Variants in UBXN11 observed in about 807,000 individuals in gnomAD.
The protein encoded by UBXN11 is UBX domain protein 11.
Under a neutral mutation model 62.8 loss-of-function variants are expected in UBXN11, and 47 were observed. The ratio of observed to expected loss-of-function variants is 0.75; its 90% CI spans 0.59 to 0.95. The LOEUF is 0.95. Ranked by LOEUF, UBXN11 falls within the 40% of genes least tolerant of loss-of-function variation. The pLI, the probability that UBXN11 is intolerant of heterozygous loss-of-function variation, is 0.00. For synonymous variants in UBXN11, 294 were observed against 267.0 expected (o/e 1.10, Z -0.99); for missense variants, 638 against 661.7 (o/e 0.96, Z 0.39).
chr1:26,282,506 A>G lies in UBXN11; in HGVS notation c.1356T>C (p.Asp452=). 1 of 1,602,102 alleles carries G rather than the reference A, an allele frequency of 6.2e-7. No homozygotes were observed. The highest frequency in any genetic ancestry group is 8.5e-7 in the Non-Finnish European group (1 of 1,172,412). The change falls in exon 15 of 15, where the codon GAT becomes GAC. Residue 452 remains aspartate, a synonymous_variant. Coordinates refer to ENST00000374222, the MANE Select transcript of UBXN11 (RefSeq NM_001389556.1). ...STFPPTLYQD[D]TLTLQAAGLV... ...GGCCTGCAGCCTGCAGCGTGAGTGT[A>G]TCGTCCTGGTAGAGGGTGGGCGGGA... is the stretch of plus-strand genomic sequence containing the variant.
chr1:26,301,577 G>C (rs1345646446), intron 3 of UBXN11, 117 bp downstream of exon 3: 15 of 1,424,258 alleles, frequency 1.1e-5, no homozygotes, highest in Non-Finnish European at 1.4e-5. Context: ...GAACACGGTG[G>C]AGGCCGCTGC....
intron 1 of UBXN11, among the ~76,000 whole-genome samples, chr1:26,305,941 C>T (rs1485958792): frequency 1.3e-5 from 2 of 152,222 alleles, no homozygotes; most frequent in Admixed American, 6.5e-5. Flanking sequence ...TCCCAACTGA[C>T]TTCCCTACTT....
intron 1 of UBXN11, among the ~76,000 whole-genome samples, chr1:26,315,477 G>A (rs2073782749): frequency 6.6e-6 from 1 of 152,142 alleles, no homozygotes; most frequent in Non-Finnish European, 1.5e-5. Context: ...CACCCCCACA[G>A]GCACACCAAA....
upstream of UBXN11, chr1:26,306,841 G>GGGGGGGTGGGGGGGT (rs2073682898): frequency 1.0e-5 from 1 of 99,474 alleles, no homozygotes; most frequent in Admixed American, 9.5e-5. Flanking sequence ...GGGGGGGGGG[G>GGGGGGGTGGGGGGGT]TGGTTCGTTC....
chr1:26,286,364 A>T (rs1307607559), intron 8 of UBXN11, among the ~76,000 whole-genome samples: 3 of 152,218 alleles, frequency 2.0e-5, no homozygotes, highest in African/African-American at 7.2e-5. Flanking sequence ...TAAGCAGCAG[A>T]AGCAGGATCT....
At chr1:26,289,608 A>G (rs2073210697) in intron 8 of UBXN11, among the ~76,000 whole-genome samples, 1 of 152,252 alleles carries the variant, frequency 6.6e-6, no homozygotes, top group South Asian at 2.1e-4. Context: ...GGCCCTGCCC[A>G]TCATGGCGAT....
chr1:26,310,825 T>C (rs1570145693), upstream of UBXN11, among the ~76,000 whole-genome samples: 1 of 152,092 alleles, frequency 6.6e-6, no homozygotes, highest in East Asian at 1.9e-4. Flanking sequence ...TAACCTATAT[T>C]TCTCTTCCCA....
chr1:26,317,639 G>C (rs1252639257), intron 1 of UBXN11, among the ~76,000 whole-genome samples: 1 of 152,170 alleles, frequency 6.6e-6, no homozygotes, highest in Non-Finnish European at 1.5e-5. Flanking sequence ...AAGGGTCAGA[G>C]AGGTAGAGTT....
At chr1:26,306,503 T>C (rs1570139972) in intron 1 of UBXN11, 89 bp downstream of exon 1, 1 of 152,230 alleles carries the variant, frequency 6.6e-6, no homozygotes, top group African/African-American at 2.4e-5. Flanking sequence ...ACCTCTCCTG[T>C]GGGAGCCGCG....
At chr1:26,297,359 C>T in intron 6 of UBXN11, 68 bp downstream of exon 6, 2 of 1,456,000 alleles carry the variant, frequency 1.4e-6, no homozygotes. Flanking sequence ...TGTGAAGCTT[C>T]CAGGAGCCCT....
intron 3 of UBXN11, 90 bp from the exon 4 acceptor site, chr1:26,301,114 T>A: frequency 6.3e-7 from 1 of 1,599,910 alleles, no homozygotes; most frequent in Admixed American, 1.7e-5. Flanking sequence ...ACGCGGCCTA[T>A]GCACTGTGCC....
upstream of UBXN11, among the ~76,000 whole-genome samples, chr1:26,308,232 A>C (rs75173330): frequency 6.6e-6 from 1 of 150,762 alleles, no homozygotes; most frequent in South Asian, 2.1e-4. Context: ...GCACCATTGC[A>C]CTCCAGCCTG....
upstream of UBXN11, chr1:26,306,973 G>A (rs2073685577): frequency 6.6e-6 from 1 of 152,178 alleles, no homozygotes; most frequent in Admixed American, 6.5e-5. Context: ...TTGATCTTGG[G>A]AGGAATTATC....
At chr1:26,291,420 G>A (rs1303695756) in intron 8 of UBXN11, among the ~76,000 whole-genome samples, 4 of 152,200 alleles carry the variant, frequency 2.6e-5, no homozygotes, top group East Asian at 1.9e-4. Flanking sequence ...GAGAACGCAC[G>A]GAGGGACCAC....
In UBXN11 at chr1:26,282,987, C is replaced by A; in HGVS notation, c.1078-50G>T. The A allele has an allele frequency of 2.5e-6, 4 of 1,611,478 alleles. No homozygotes were observed. The South Asian group carries it at 4.4e-5, about 18-fold the overall frequency. On this transcript the variant is annotated intron_variant, in intron 12 of 14. Transcript: ENST00000374222. ...ACAGAGCCCTAGGCCCCATTTGAGTCATCCCCACAAACCTTAGAGGGACAC... is the reference window on the plus strand; with the variant it reads ...ACAGAGCCCTAGGCCCCATTTGAGTAATCCCCACAAACCTTAGAGGGACAC...
intron 9 of UBXN11, 60 bp downstream of exon 9, chr1:26,285,763 C>G: frequency 6.5e-7 from 1 of 1,534,378 alleles, no homozygotes; most frequent in Non-Finnish European, 8.8e-7. Context: ...CTTCATCATC[C>G]CCAACTAACA....
chr1:26,293,975 AAG>A (rs2073334494), intron 8 of UBXN11, among the ~76,000 whole-genome samples: 1 of 152,112 alleles, frequency 6.6e-6, no homozygotes, highest in Admixed American at 6.6e-5. Flanking sequence ...ACAGATGAGC[AAG>A]AGAGAGCAGA....
rs1024558841 is a variant in UBXN11, at chr1:26,300,842, G to T, written c.199+84C>A. The stretch of plus-strand genomic sequence containing the variant: ...CCTCAGACCAAACAGGCGAGAGGAA[G>T]GGCCATGCCTCCCTAGGCCTTGCCC... On this transcript the variant is annotated intron_variant, in intron 4 of 14. Coordinates refer to ENST00000374222, the MANE Select transcript of UBXN11 (RefSeq NM_001389556.1). 8 of 1,598,358 alleles carry T rather than the reference G, an allele frequency of 5.0e-6. No homozygotes were observed. The Middle Eastern group carries it at 5.0e-4, about 100-fold the overall frequency.
chr1:26,303,008 C>A (rs1425682801), intron 1 of UBXN11, 90 bp from the exon 2 acceptor site: 6 of 831,704 alleles, frequency 7.2e-6, no homozygotes, highest in Non-Finnish European at 7.7e-6. Flanking sequence ...CCTGGCTACT[C>A]TTCCTAATGG....
Sources: allele counts gnomAD v4.1 joint callset (sites outside exome capture counted in the v4.1 genomes callset), GRCh38; gene constraint gnomAD v4.1.1; transcripts MANE v1.5; gene names NCBI Gene and HGNC (gene_info 2026-07-23, HGNC 2026-07-21).